The following GABRB1 variants were observed in gnomAD, a reference collection of about 807,000 sequenced individuals.
GABRB1 encodes the protein gamma-aminobutyric acid type A receptor subunit beta1, also known as gamma-aminobutyric acid receptor subunit beta-1.
A neutral mutation model predicts 51.6 loss-of-function variants in GABRB1; 17 were observed. That is an observed-to-expected ratio of 0.33 (90% CI 0.23 to 0.49). The LOEUF (loss-of-function observed/expected upper bound fraction) is 0.49, where lower values mean the gene tolerates loss of function less well. GABRB1 is among the 20% of genes least tolerant of loss of function. GABRB1 has a pLI of 0.99. For missense variants in GABRB1, 410 were observed against 600.6 expected, an observed-to-expected ratio of 0.68 and a Z score of 3.32; for synonymous variants, 247 against 218.9, an observed-to-expected ratio of 1.13 and a Z score of -1.14.
chr4:47,306,912 T>C (rs534475694), intron 4 of GABRB1, among the ~76,000 whole-genome samples: 1 of 152,322 alleles, frequency 6.6e-6, no homozygotes, highest in South Asian at 2.1e-4. Flanking sequence ...ATTTTGCTTT[T>C]ACAAGGAGTG....
chr4:47,425,805 C>T lies in GABRB1; in HGVS notation c.1212C>T (p.Tyr404=). Residue 404 remains tyrosine, a synonymous_variant, in exon 9 of 9, where the codon TAC becomes TAT. Transcript: ENST00000295454. ...CCTATGACAGCGCCAGCATCCAGTA[C>T]CGCAAGCCCCTGAGCAGCCGCGAGG... ...MYSYDSASIQ[Y]RKPLSSREAY... is the part of the protein sequence containing the mutation. 6.8e-6 allele frequency: 11 copies of T among 1,614,166 alleles called. No individual in the cohort carries two copies. Among genetic ancestry groups the T allele is most frequent in the South Asian group, 1.1e-5 (1 of 91,088 alleles).
intron 4 of GABRB1, among the ~76,000 whole-genome samples, chr4:47,319,746 A>T (rs1179697669): frequency 6.6e-6 from 1 of 152,166 alleles, no homozygotes; most frequent in Non-Finnish European, 1.5e-5. Context: ...GGTACAGTTT[A>T]AGAAAGGTTA....
rs1238820845 is a variant in GABRB1 at position 47,123,702 on chromosome 4, T to TA, written c.241-37546dup. Among the ~76,000 whole-genome samples, 38 of 26,122 alleles carry TA rather than the reference T, an allele frequency of 1.5e-3. 1 individual carries two copies. The South Asian group carries it at 0.028, about 20-fold the overall frequency. The allele number at this position is 26,122 out of a possible 152,430, so 17.1% of individuals were successfully genotyped here. A position where few individuals can be genotyped will look rare whatever the true frequency, so the allele number is the denominator to read the frequency against. ...TATCATATATATGATATATTATATA[T>TA]ATAATATGATATATGATATATGATA... On this transcript the variant is annotated intron_variant, in intron 3 of 8. Transcript: ENST00000295454.
intron 4 of GABRB1, among the ~76,000 whole-genome samples, chr4:47,167,243 A>G (rs1270639254): frequency 6.6e-6 from 1 of 152,080 alleles, no homozygotes. Flanking sequence ...GACCAGATGT[A>G]TTCTGCCTCT....
At chr4:47,385,713 C>G (rs530066150) in intron 5 of GABRB1, among the ~76,000 whole-genome samples, 1 of 152,136 alleles carries the variant, frequency 6.6e-6, no homozygotes, top group South Asian at 2.1e-4. Context: ...TTTAATGCCT[C>G]GGTCCCAGAA....
intron 4 of GABRB1, among the ~76,000 whole-genome samples, chr4:47,278,402 G>T (rs1723160932): frequency 6.6e-6 from 1 of 152,138 alleles, no homozygotes; most frequent in African/African-American, 2.4e-5. Flanking sequence ...TCTCTCTCCT[G>T]CCTAGTGCTG....
intron 4 of GABRB1, among the ~76,000 whole-genome samples, chr4:47,299,983 C>A (rs1337101979): frequency 6.6e-6 from 1 of 151,276 alleles, no homozygotes; most frequent in Non-Finnish European, 1.5e-5. Flanking sequence ...AGTAAACTAT[C>A]GCAAGGACAA....
At chr4:47,286,402 C>G (rs1008577872) in intron 4 of GABRB1, among the ~76,000 whole-genome samples, 1 of 152,038 alleles carries the variant, frequency 6.6e-6, no homozygotes, top group African/African-American at 2.4e-5. Context: ...TCTATTTCTG[C>G]TTGCACCCTT....
upstream of GABRB1, among the ~76,000 whole-genome samples, chr4:47,030,000 G>A (rs190356839): frequency 6.6e-6 from 1 of 151,592 alleles, no homozygotes; most frequent in Admixed American, 6.6e-5. Context: ...GGTTTTCTTG[G>A]CTTTTATTTA....
At chr4:47,284,643 T>G (rs1723438489) in intron 4 of GABRB1, among the ~76,000 whole-genome samples, 1 of 152,224 alleles carries the variant, frequency 6.6e-6, no homozygotes. Context: ...AATCCTAAAG[T>G]GGCTTTTTAG....
Position 47,419,317 on chromosome 4 carries a change from G to A in GABRB1, c.1081-6357G>A, listed in dbSNP as rs138901488. ...AGGTCTTTATGAAGTAGAATTCCAG[G>A]ACCTTTCTTTATATGTGAGCCCCTC... On this transcript the variant is annotated intron_variant, in intron 8 of 8. Coordinates refer to ENST00000295454, the MANE Select transcript of GABRB1 (RefSeq NM_000812.4). 2.6e-5 allele frequency among the ~76,000 whole-genome samples: 4 copies of A among 152,262 alleles called. No homozygotes were observed. The East Asian group carries it at 7.7e-4, about 29-fold the overall frequency.
At chr4:47,417,569 G>A (rs1728970903) in intron 8 of GABRB1, among the ~76,000 whole-genome samples, 1 of 152,178 alleles carries the variant, frequency 6.6e-6, no homozygotes, top group African/African-American at 2.4e-5. Context: ...GAAATGGGAA[G>A]ATGAAGGCTG....
At chr4:47,105,538 T>C (rs769821237) in intron 3 of GABRB1, among the ~76,000 whole-genome samples, 1 of 152,134 alleles carries the variant, frequency 6.6e-6, no homozygotes, top group Non-Finnish European at 1.5e-5. Flanking sequence ...GTTTCACTCA[T>C]GTTATATTCC....
At chr4:47,354,406 A>G (rs1726475925) in intron 5 of GABRB1, among the ~76,000 whole-genome samples, 1 of 152,266 alleles carries the variant, frequency 6.6e-6, no homozygotes, top group Non-Finnish European at 1.5e-5. Flanking sequence ...TAAATTATTC[A>G]CAAACTCTTT....
intron 5 of GABRB1, among the ~76,000 whole-genome samples, chr4:47,402,126 C>T (rs960817255): frequency 6.6e-5 from 10 of 152,208 alleles, no homozygotes; most frequent in Non-Finnish European, 1.0e-4. Context: ...TTTTTAAAAG[C>T]GGGGAAGGGA....
chr4:47,082,841 C>A (rs1232408599), intron 3 of GABRB1, among the ~76,000 whole-genome samples: 1 of 152,082 alleles, frequency 6.6e-6, no homozygotes, highest in Non-Finnish European at 1.5e-5. Flanking sequence ...AACTGTCTTC[C>A]TTATCACAAT....
At chr4:47,249,782 C>G (rs905968162) in intron 4 of GABRB1, among the ~76,000 whole-genome samples, 2 of 152,024 alleles carry the variant, frequency 1.3e-5, no homozygotes, top group African/African-American at 4.8e-5. Flanking sequence ...GCATGAAATG[C>G]CTTTTTCCAC....
intron 4 of GABRB1, among the ~76,000 whole-genome samples, chr4:47,302,313 T>C (rs1441279491): frequency 3.3e-5 from 5 of 152,080 alleles, no homozygotes; most frequent in African/African-American, 9.7e-5. Flanking sequence ...TTATAGAAAA[T>C]TTGAATGTAA....
intron 4 of GABRB1, among the ~76,000 whole-genome samples, chr4:47,269,975 C>CACACACAG (rs1438432474): frequency 6.6e-6 from 1 of 151,654 alleles, no homozygotes. Context: ...CACACACACA[C>CACACACAG]AGGCTGAGTC....
Sources: allele counts gnomAD v4.1 joint callset (sites outside exome capture counted in the v4.1 genomes callset), GRCh38; gene constraint gnomAD v4.1.1; transcripts MANE v1.5; gene names NCBI Gene and HGNC (gene_info 2026-07-23, HGNC 2026-07-21).